Variants in RDX observed in about 807,000 individuals in gnomAD.
RDX encodes the protein deafness, autosomal recessive 24.
A neutral mutation model predicts 83.7 loss-of-function variants in RDX; 32 were observed. That is an observed-to-expected ratio of 0.38 (90% confidence interval 0.29 to 0.51). RDX has a LOEUF of 0.51. Ranked by LOEUF, RDX falls within the 20% of genes least tolerant of loss-of-function variation. The pLI is 0.87. For synonymous variants in RDX, 229 were observed against 222.7 expected (o/e 1.03, Z -0.25); for missense variants, 600 against 689.9 (o/e 0.87, Z 1.46).
intron 14 of RDX, among the ~76,000 whole-genome samples, chr11:110,215,362 CAAAA>C (rs998888063): frequency 1.6e-5 from 2 of 125,810 alleles, no homozygotes; most frequent in South Asian, 2.4e-4. Context: ...GACTCCATCT[CAAAA>C]AATAAATAAA....
chr11:110,254,069 C>T lies in RDX; in HGVS notation c.836G>A (p.Arg279Gln), dbSNP rs150863373. 4.7e-5 allele frequency: 76 copies of T among 1,613,518 alleles called. No individual in the cohort carries two copies. Among genetic ancestry groups the T allele is most frequent in the African/African-American group, 6.7e-5 (5 of 74,890 alleles). ...FYAPRLRINK[R>Q]ILALCMGNHE... The stretch of plus-strand genomic sequence containing the variant: ...GTTTCCCATACATAAGGCCAAAATC[C>T]GCTTATTGATTCTCAGACGAGGTGC... Residue 279 changes from arginine (R) to glutamine (Q), a missense_variant, in exon 9 of 14, where the codon CGG becomes CAG. Physicochemically the swap from Arg to Gln is conservative, Grantham distance 43. Coordinates refer to ENST00000645495, the MANE Select transcript of RDX (RefSeq NM_002906.4).
intron 11 of RDX, among the ~76,000 whole-genome samples, chr11:110,237,100 A>G (rs1864884054): frequency 6.7e-6 from 1 of 150,020 alleles, no homozygotes; most frequent in Non-Finnish European, 1.5e-5. Flanking sequence ...CATAGGAACT[A>G]TAACATATTA....
chr11:110,253,697 T>C (rs1283103424), intron 9 of RDX, among the ~76,000 whole-genome samples: 1 of 152,096 alleles, frequency 6.6e-6, no homozygotes, highest in Non-Finnish European at 1.5e-5. Context: ...TCTAAAACAA[T>C]GTCTATCAGT....
At chr11:110,264,975 T>C (rs1859967982) in intron 3 of RDX, 101 bp from the exon 4 acceptor site, 3 of 814,280 alleles carry the variant, frequency 3.7e-6, no homozygotes, top group Non-Finnish European at 6.3e-6. Flanking sequence ...TATGTAAGTA[T>C]ACGTATATTC....
At chr11:110,239,275 A>T (rs1215010872) in intron 10 of RDX, among the ~76,000 whole-genome samples, 2 of 152,122 alleles carry the variant, frequency 1.3e-5, no homozygotes, top group African/African-American at 4.8e-5. Flanking sequence ...AAAGAAGGAC[A>T]TTGGTCTAGG....
At chr11:110,271,678 G>T (rs1409473357) in intron 3 of RDX, among the ~76,000 whole-genome samples, 1 of 151,962 alleles carries the variant, frequency 6.6e-6, no homozygotes, top group Non-Finnish European at 1.5e-5. Flanking sequence ...AGCTCCACAG[G>T]TGACTAATAC....
chr11:110,195,801 A>G (rs1863194375), intron 15 of RDX: 1 of 152,186 alleles, frequency 6.6e-6, no homozygotes, highest in Non-Finnish European at 1.5e-5. Context: ...TCATGCAGAA[A>G]AAAGTGGGTT....
intron 7 of RDX, among the ~76,000 whole-genome samples, chr11:110,257,149 A>G (rs890377776): frequency 6.6e-6 from 1 of 151,440 alleles, no homozygotes; most frequent in African/African-American, 2.4e-5. Context: ...GTACATATAC[A>G]TGTATATGTA....
chr11:110,219,343 T>C (rs1235901830), intron 14 of RDX, among the ~76,000 whole-genome samples: 1 of 152,160 alleles, frequency 6.6e-6, no homozygotes. Context: ...GGGACCAGAA[T>C]AGATTAGGCT....
chr11:110,241,428 C>T (rs951123958), intron 10 of RDX, among the ~76,000 whole-genome samples: 2 of 152,094 alleles, frequency 1.3e-5, no homozygotes, highest in Non-Finnish European at 2.9e-5. Context: ...TCCGGAGTAG[C>T]TGGGATTACA....
intron 15 of RDX, among the ~76,000 whole-genome samples, chr11:110,197,686 C>T (rs530085186): frequency 1.3e-5 from 2 of 152,018 alleles, no homozygotes; most frequent in African/African-American, 4.8e-5. Context: ...TACGAGTTGA[C>T]AAAATGGAAA....
chr11:110,289,064 C>T (rs1280862304), intron 1 of RDX, among the ~76,000 whole-genome samples: 1 of 151,788 alleles, frequency 6.6e-6, no homozygotes, highest in Non-Finnish European at 1.5e-5. Context: ...ATGGAGAAAC[C>T]CCCATCTCTA....
At chr11:110,234,527 T>G (rs1286332030) in intron 12 of RDX, among the ~76,000 whole-genome samples, 1 of 152,204 alleles carries the variant, frequency 6.6e-6, no homozygotes, top group African/African-American at 2.4e-5. Context: ...GAAGAATATG[T>G]ACTAAGGTTT....
intron 10 of RDX, among the ~76,000 whole-genome samples, chr11:110,241,357 C>T (rs1865092308): frequency 6.6e-6 from 1 of 151,874 alleles, no homozygotes; most frequent in Non-Finnish European, 1.5e-5. Context: ...AGTGCAGTGG[C>T]ACGATCTCAG....
intron 1 of RDX, among the ~76,000 whole-genome samples, chr11:110,288,650 AAC>A (rs1487731868): frequency 1.3e-5 from 2 of 152,218 alleles, no homozygotes; most frequent in African/African-American, 4.8e-5. Flanking sequence ...AATATTCTCT[AAC>A]ACAGTCAACG....
intron 7 of RDX, among the ~76,000 whole-genome samples, chr11:110,256,926 T>G (rs117286698): frequency 0.012 from 1,794 of 152,252 alleles, 19 homozygotes; most frequent in Non-Finnish European, 0.018. Flanking sequence ...AAAATTAAAA[T>G]TCTGGAGCCA....
At chr11:110,242,223 C>T (rs1017451407) in intron 10 of RDX, among the ~76,000 whole-genome samples, 8 of 152,026 alleles carry the variant, frequency 5.3e-5, no homozygotes, top group African/African-American at 1.9e-4. Context: ...GAAGCCTAGG[C>T]GGGCGGATCA....
chr11:110,224,606 A>G (rs1317344927), downstream of RDX, among the ~76,000 whole-genome samples: 1 of 152,236 alleles, frequency 6.6e-6, no homozygotes, highest in Non-Finnish European at 1.5e-5. Flanking sequence ...TTCTACTTCT[A>G]TTGTGCCACT....
At chr11:110,256,234 A>G (rs1859541333) in intron 7 of RDX, among the ~76,000 whole-genome samples, 1 of 152,146 alleles carries the variant, frequency 6.6e-6, no homozygotes, top group African/African-American at 2.4e-5. Flanking sequence ...ACACAGCATG[A>G]ATTTTTACCT....
Sources: allele counts gnomAD v4.1 joint callset (sites outside exome capture counted in the v4.1 genomes callset), GRCh38; gene constraint gnomAD v4.1.1; transcripts MANE v1.5; gene names NCBI Gene and HGNC (gene_info 2026-07-23, HGNC 2026-07-21).